Variants in RAG1 observed in about 807,000 individuals in gnomAD.
The protein encoded by RAG1 is recombination activating 1.
In RAG1, 35 loss-of-function variants were observed where a neutral mutation model predicts 62.7. The ratio of observed to expected loss-of-function variants is 0.56; its 90% CI spans 0.43 to 0.74. The LOEUF (loss-of-function observed/expected upper bound fraction) is 0.74. Among genes scored for constraint, RAG1 ranks in the 30% least tolerant of loss-of-function variants. RAG1 has a pLI of 0.00. For missense variants in RAG1, 1,169 were observed against 1,278.6 expected (o/e 0.91, Z 1.31); for synonymous variants, 461 against 470.3 (o/e 0.98, Z 0.26).
At chr11:36,534,374 C>T (rs973860759) in intron 2 of RAG1, among the ~76,000 whole-genome samples, 3 of 152,140 alleles carry the variant, frequency 2.0e-5, no homozygotes, top group Admixed American at 6.6e-5. Flanking sequence ...TAATAAACAC[C>T]GTTTTGCTCA....
intron 2 of RAG1, among the ~76,000 whole-genome samples, chr11:36,529,789 G>A (rs1401588224): frequency 6.6e-6 from 1 of 151,630 alleles, no homozygotes; most frequent in East Asian, 1.9e-4. Flanking sequence ...TTTTCTTTAT[G>A]TAATATCTTC....
intron 1 of RAG1, among the ~76,000 whole-genome samples, chr11:36,511,699 TA>T (rs1859925095): frequency 2.0e-5 from 3 of 152,138 alleles, no homozygotes; most frequent in Admixed American, 6.5e-5. Flanking sequence ...CTTTAAAAAA[TA>T]AAACATTGCC....
At chr11:36,541,011 T>G (rs1015343541), downstream of RAG1, among the ~76,000 whole-genome samples, 5 of 152,078 alleles carry the variant, frequency 3.3e-5, no homozygotes, top group Non-Finnish European at 7.4e-5. Context: ...CCAACAGACA[T>G]GAGTATTTAG....
downstream of RAG1, among the ~76,000 whole-genome samples, chr11:36,536,439 A>G (rs978974533): frequency 6.6e-6 from 1 of 152,122 alleles, no homozygotes; most frequent in East Asian, 1.9e-4. Flanking sequence ...ATTTATAGGT[A>G]TTAAAAGTCT....
At chr11:36,512,797 A>G (rs952266813) in intron 1 of RAG1, among the ~76,000 whole-genome samples, 3 of 152,236 alleles carry the variant, frequency 2.0e-5, no homozygotes, top group African/African-American at 4.8e-5. Flanking sequence ...TTTACTTTTA[A>G]TGGAAAAAAT....
chr11:36,519,726 T>G (rs895152571), intron 1 of RAG1, among the ~76,000 whole-genome samples: 3 of 152,166 alleles, frequency 2.0e-5, no homozygotes, highest in Admixed American at 1.3e-4. Flanking sequence ...TCCATCTGGC[T>G]CTTGGTATCA....
chr11:36,516,181 G>A (rs955584257), intron 1 of RAG1, among the ~76,000 whole-genome samples: 1 of 152,224 alleles, frequency 6.6e-6, no homozygotes, highest in African/African-American at 2.4e-5. Flanking sequence ...GCCAGAGGAT[G>A]TAAGTATCTG....
chr11:36,571,457 T>A (rs1359096640), intron 1 of RAG1, among the ~76,000 whole-genome samples: 2 of 152,238 alleles, frequency 1.3e-5, no homozygotes, highest in Admixed American at 1.3e-4. Flanking sequence ...TTTTGAGGTG[T>A]TCGTTGGGCT....
At chr11:36,559,253 TTCTCTTGCTGTTTTTACACTTC>T (rs1173032252) in intron 3 of RAG1, among the ~76,000 whole-genome samples, 7 of 152,204 alleles carry the variant, frequency 4.6e-5, no homozygotes, top group African/African-American at 7.2e-5. Context: ...GTTGACACTC[TTCTCTTGCTGTTTTTACACTTC>T]TCTCTTGCTG....
chr11:36,544,610 T>G (rs1850367628), intron 3 of RAG1, among the ~76,000 whole-genome samples: 1 of 152,236 alleles, frequency 6.6e-6, no homozygotes, highest in African/African-American at 2.4e-5. Context: ...TTCTGTATCC[T>G]GCTTTTTCCC....
chr11:36,559,965 C>T (rs1054765418), intron 3 of RAG1, among the ~76,000 whole-genome samples: 1 of 152,208 alleles, frequency 6.6e-6, no homozygotes, highest in Non-Finnish European at 1.5e-5. Flanking sequence ...AGCATCTGTG[C>T]ATCTGCTGGA....
intron 2 of RAG1, among the ~76,000 whole-genome samples, chr11:36,526,534 A>G (rs982049302): frequency 1.3e-5 from 2 of 152,198 alleles, no homozygotes; most frequent in African/African-American, 2.4e-5. Context: ...TAGTGCCACA[A>G]TAAACATACG....
intron 1 of RAG1, among the ~76,000 whole-genome samples, chr11:36,571,329 C>A (rs1242618252): frequency 1.3e-5 from 2 of 152,090 alleles, no homozygotes; most frequent in Non-Finnish European, 2.9e-5. Flanking sequence ...AAGTAAAATG[C>A]TAAAGGAATG....
upstream of RAG1, among the ~76,000 whole-genome samples, chr11:36,566,214 T>C (rs1457657170): frequency 6.6e-6 from 1 of 152,158 alleles, no homozygotes; most frequent in African/African-American, 2.4e-5. Context: ...TTATAAATTA[T>C]TGACCTCAGA....
At chr11:36,538,522 G>T (rs116585729), downstream of RAG1, among the ~76,000 whole-genome samples, 1 of 152,126 alleles carries the variant, frequency 6.6e-6, no homozygotes, top group Non-Finnish European at 1.5e-5. Context: ...CACTTTGCAG[G>T]TTCCTTTTAG....
At chr11:36,544,432 T>C (rs1300089817) in intron 3 of RAG1, among the ~76,000 whole-genome samples, 1 of 152,206 alleles carries the variant, frequency 6.6e-6, no homozygotes, top group Non-Finnish European at 1.5e-5. Context: ...ATTGAAATGG[T>C]ACCAGAGGAA....
chr11:36,536,181 A>G (rs1860323743), downstream of RAG1: 2 of 152,236 alleles, frequency 1.3e-5, no homozygotes, highest in Admixed American at 1.3e-4. Flanking sequence ...AAACAACTTA[A>G]AAAAATCTAA....
intron 3 of RAG1, among the ~76,000 whole-genome samples, chr11:36,551,601 CTTT>C (rs199642455): frequency 0.058 from 7,768 of 133,126 alleles, 621 homozygotes; most frequent in African/African-American, 0.2. Flanking sequence ...TTAATTACTT[CTTT>C]TTTTTTTTTT....
At chr11:36,522,685 T>C (rs1860100568) in intron 2 of RAG1, among the ~76,000 whole-genome samples, 1 of 152,124 alleles carries the variant, frequency 6.6e-6, no homozygotes, top group African/African-American at 2.4e-5. Flanking sequence ...ACTGTTTGCC[T>C]GGAAAAGCTA....
Sources: gnomAD v4.1 joint callset for allele counts (sites outside exome capture counted in the v4.1 genomes callset) on GRCh38, gnomAD v4.1.1 for gene constraint, MANE v1.5 for transcripts, NCBI Gene and HGNC (gene_info 2026-07-23, HGNC 2026-07-21) for gene names.